Variants in MAP3K20 observed in about 807,000 individuals in gnomAD.
MAP3K20 encodes the protein HCCS-4.
MAP3K20 carries 40 observed loss-of-function variants against 85.7 expected under a neutral mutation model. The observed-to-expected ratio is 0.47, with a 90% CI of 0.36 to 0.61. The LOEUF (loss-of-function observed/expected upper bound fraction) is 0.61. Ranked by LOEUF, MAP3K20 falls within the 20% of genes least tolerant of loss-of-function variation. The pLI is 0.00. For synonymous variants in MAP3K20, 325 were observed against 327.7 expected, an observed-to-expected ratio of 0.99 and a Z score of 0.09; for missense variants, 817 against 961.7, an observed-to-expected ratio of 0.85 and a Z score of 1.99.
chr2:173,168,566 A>G (rs73971700), intron 2 of MAP3K20, among the ~76,000 whole-genome samples: 1 of 152,230 alleles, frequency 6.6e-6, no homozygotes, highest in African/African-American at 2.4e-5. Flanking sequence ...CACATTCCCA[A>G]AGGGGAGTCC....
chr2:173,176,431 G>T (rs1156381543), intron 3 of MAP3K20, among the ~76,000 whole-genome samples: 1 of 152,072 alleles, frequency 6.6e-6, no homozygotes, highest in Non-Finnish European at 1.5e-5. Context: ...GGGAGGGAAT[G>T]GAGTTATATT....
intron 10 of MAP3K20, 129 bp from the exon 11 acceptor site, chr2:173,216,986 C>G (rs907199128): frequency 1.0e-5 from 9 of 899,976 alleles, no homozygotes. Context: ...CCTTCTCCTC[C>G]GGCAGTTACC....
intron 2 of MAP3K20, among the ~76,000 whole-genome samples, chr2:173,106,370 A>G (rs1574017732): frequency 6.6e-6 from 1 of 152,250 alleles, no homozygotes; most frequent in South Asian, 2.1e-4. Flanking sequence ...CAGAGAGTCC[A>G]GAATTAGGCT....
At chr2:173,201,489 A>C (rs2106289270) in intron 8 of MAP3K20, among the ~76,000 whole-genome samples, 1 of 152,304 alleles carries the variant, frequency 6.6e-6, no homozygotes, top group Admixed American at 6.5e-5. Context: ...AAATCTTCAT[A>C]AGACTTAATC....
intron 2 of MAP3K20, among the ~76,000 whole-genome samples, chr2:173,135,045 G>T (rs1353888651): frequency 6.6e-6 from 1 of 152,096 alleles, no homozygotes; most frequent in Admixed American, 6.5e-5. Flanking sequence ...TATAGTAAGT[G>T]TTCGATACAT....
At chr2:173,075,736 G>A, upstream of MAP3K20, 5 of 985,416 alleles carry the variant, frequency 5.1e-6, no homozygotes, top group Non-Finnish European at 4.8e-6. Context: ...GCGCAGGCCA[G>A]GGAGGCCCGA....
Position 173,225,558 on chromosome 2 carries a change from C to T in MAP3K20, c.988-4131C>T, listed in dbSNP as rs145665456. 5.6e-3 allele frequency: 5,377 copies of T among 967,706 alleles called. 16 individuals carry two copies. The highest frequency in any genetic ancestry group is 6.1e-3 in the Non-Finnish European group (5,032 of 819,244). 59.9% of individuals were successfully genotyped at this position (967,706 alleles called of 1,614,324 possible). A position where few individuals can be genotyped will look rare whatever the true frequency, so the allele number is the denominator to read the frequency against. ...GCAGTGAGCTGAGATTGCACCACTA[C>T]ACTCCAGCCTGGATGACAGAGTGAG... On this transcript the variant is annotated intron_variant, in intron 11 of 19. Coordinates refer to ENST00000375213, the MANE Select transcript of MAP3K20 (RefSeq NM_016653.3).
chr2:173,164,568 C>T (rs181738318), intron 2 of MAP3K20, among the ~76,000 whole-genome samples: 4 of 152,104 alleles, frequency 2.6e-5, no homozygotes, highest in Non-Finnish European at 5.9e-5. Context: ...TCCCATTTGT[C>T]GATGTTTGCA....
chr2:173,156,730 G>A (rs1285550921), intron 2 of MAP3K20, among the ~76,000 whole-genome samples: 8 of 152,178 alleles, frequency 5.3e-5, no homozygotes, highest in Non-Finnish European at 1.5e-5. Flanking sequence ...TGTGCGACCT[G>A]GTTCCTAACA....
intron 9 of MAP3K20, among the ~76,000 whole-genome samples, chr2:173,206,301 A>C (rs780594517): frequency 5.9e-5 from 9 of 152,240 alleles, no homozygotes; most frequent in Non-Finnish European, 1.2e-4. Flanking sequence ...TGCAGCTGGC[A>C]TGTCTTTAAA....
At chr2:173,099,424 A>G (rs1687566672) in intron 2 of MAP3K20, among the ~76,000 whole-genome samples, 1 of 151,238 alleles carries the variant, frequency 6.6e-6, no homozygotes, top group African/African-American at 2.4e-5. Context: ...GGCTCAAGCC[A>G]TCCTCCCAGC....
At chr2:173,221,944 G>A (rs11249) in intron 11 of MAP3K20, 177,390 of 986,256 alleles carry the variant, frequency 0.18, 16,351 homozygotes, top group Admixed American at 0.26. Flanking sequence ...TCTTTGACAC[G>A]TAGTAATTCT....
intron 2 of MAP3K20, 50 bp downstream of exon 2, chr2:173,091,240 G>C: frequency 5.1e-6 from 8 of 1,579,620 alleles, no homozygotes; most frequent in African/African-American, 1.4e-5. Context: ...ATTTATGTAA[G>C]CTTTTTCAAC....
At chr2:173,240,838 CACAAA>C (rs1273659807) in intron 16 of MAP3K20, among the ~76,000 whole-genome samples, 1 of 152,168 alleles carries the variant, frequency 6.6e-6, no homozygotes, top group African/African-American at 2.4e-5. Flanking sequence ...CAGCACTGCG[CACAAA>C]ATCCAACATT....
Position 173,146,437 on chromosome 2 carries a change from A to G in MAP3K20, c.160-23368A>G, listed in dbSNP as rs550389211. ...AATTCATATACCTTGTAATTCATCC[A>G]TGTAACATGTACAATTAAGTGTTTT... On this transcript the variant is annotated intron_variant, in intron 2 of 19. Transcript: ENST00000375213. 4.6e-4 allele frequency among the ~76,000 whole-genome samples: 70 copies of G among 152,328 alleles called. No homozygotes were observed. In the South Asian group the frequency reaches 0.014, roughly 30 times the overall value.
Position 173,213,840 on chromosome 2 carries a change from C to CT in MAP3K20, c.852-3274dup, listed in dbSNP as rs568525217. Among the ~76,000 whole-genome samples the CT allele has an allele frequency of 1.3e-4, 20 of 152,308 alleles. 2 individuals are homozygous for CT. Among genetic ancestry groups the CT allele is most frequent in the Admixed American group, 1.1e-3 (17 of 15,296 alleles). On this transcript the variant is annotated intron_variant, in intron 10 of 19. Transcript: ENST00000375213. ...TGATCATTTTAGGTTATTAAGGTGTCTAACTCAATATGTAAACTGCTGAAA... is the reference window on the plus strand; with the variant it reads ...TGATCATTTTAGGTTATTAAGGTGTCTTAACTCAATATGTAAACTGCTGAAA...
At chr2:173,217,092 T>TTA in intron 10 of MAP3K20, 23 bp from the exon 11 acceptor site, 1 of 1,480,402 alleles carries the variant, frequency 6.8e-7, no homozygotes, top group Non-Finnish European at 9.0e-7. Context: ...AAGTTGAGAC[T>TTA]TACACCAGCT....
chr2:173,078,226 AAG>A (rs1202421476), intron 1 of MAP3K20, among the ~76,000 whole-genome samples: 1 of 152,164 alleles, frequency 6.6e-6, no homozygotes, highest in Non-Finnish European at 1.5e-5. Context: ...AAACTGGAAA[AAG>A]ATGTTTGTGG....
intron 16 of MAP3K20, among the ~76,000 whole-genome samples, chr2:173,243,092 T>C (rs1487352058): frequency 6.6e-6 from 1 of 152,166 alleles, no homozygotes; most frequent in East Asian, 1.9e-4. Flanking sequence ...TAGATTTTGA[T>C]ACAAAATCAA....
Sources: allele counts gnomAD v4.1 joint callset (sites outside exome capture counted in the v4.1 genomes callset), GRCh38; gene constraint gnomAD v4.1.1; transcripts MANE v1.5; gene names NCBI Gene and HGNC (gene_info 2026-07-23, HGNC 2026-07-21).